Variants in PRDM2 observed in about 807,000 individuals in gnomAD.
PRDM2 encodes PR/SET domain 2.
A neutral mutation model predicts 130.0 loss-of-function variants in PRDM2; 30 were observed. That is an observed-to-expected ratio of 0.23 (90% CI 0.17 to 0.31). The LOEUF is 0.31. Ranked by LOEUF, PRDM2 falls within the 10% of genes least tolerant of loss-of-function variation. The pLI is 1.00. For synonymous variants in PRDM2, 871 were observed against 782.4 expected (o/e 1.11, Z -1.89); for missense variants, 2,011 against 2,108.4 (o/e 0.95, Z 0.90).
In PRDM2 at chr1:13,778,673, G is replaced by A. The variant is rs759698293; in HGVS notation, c.878G>A (p.Gly293Glu). 138 of 1,614,012 alleles carry A rather than the reference G, an allele frequency of 8.6e-5. No individual in the cohort carries two copies. The highest frequency in any genetic ancestry group is 1.1e-4 in the Non-Finnish European group (131 of 1,180,010). ...GATGATGATGAGTTGGAAGACGAGG[G>A]GGAAGAAGAAGCCAGCATGCCAAAT... ...DDDDDELEDE[G>E]EEEASMPNEN... The change falls in exon 8 of 10, where the codon GGG becomes GAG. Residue 293 changes from glycine to glutamate, a missense_variant. This residue lies in a region of PRDM2 where 1,288 missense variants were observed against 1,237.7 expected (regional missense o/e 1.04). Transcript: ENST00000311066.
At chr1:13,813,787 G>A (rs1169126292) in intron 8 of PRDM2, among the ~76,000 whole-genome samples, 1 of 152,214 alleles carries the variant, frequency 6.6e-6, no homozygotes, top group Non-Finnish European at 1.5e-5. Flanking sequence ...GACGCCCTGA[G>A]CCGGGGAGGA....
chr1:13,720,638 T>C (rs1463188422), intron 2 of PRDM2, among the ~76,000 whole-genome samples: 3 of 152,216 alleles, frequency 2.0e-5, no homozygotes, highest in Non-Finnish European at 1.5e-5. Flanking sequence ...TAAAAAATAG[T>C]AACTTACCGT....
chr1:13,808,535 T>C (rs1387942672), intron 8 of PRDM2, among the ~76,000 whole-genome samples: 1 of 151,508 alleles, frequency 6.6e-6, no homozygotes, highest in Non-Finnish European at 1.5e-5. Context: ...GATTGAGGAC[T>C]ACGTATCTCA....
chr1:13,795,779 A>G (rs1461582357), intron 8 of PRDM2, among the ~76,000 whole-genome samples: 2 of 152,180 alleles, frequency 1.3e-5, no homozygotes, highest in African/African-American at 4.8e-5. Context: ...GCAGATCTAG[A>G]TACTGAACAG....
chr1:13,797,438 C>CCGTG (rs1427742695), intron 8 of PRDM2, among the ~76,000 whole-genome samples: 1 of 152,176 alleles, frequency 6.6e-6, no homozygotes, highest in African/African-American at 2.4e-5. Flanking sequence ...GAAATATATG[C>CCGTG]CGTGCCAGAT....
intron 2 of PRDM2, among the ~76,000 whole-genome samples, chr1:13,728,481 T>A (rs74607918): frequency 2.3e-4 from 35 of 152,266 alleles, no homozygotes; most frequent in African/African-American, 7.9e-4. Flanking sequence ...GCCACGGCCA[T>A]GGAGAGTCCA....
chr1:13,726,503 C>T (rs1642920842), intron 2 of PRDM2, among the ~76,000 whole-genome samples: 1 of 152,178 alleles, frequency 6.6e-6, no homozygotes, highest in Non-Finnish European at 1.5e-5. Context: ...TCTGAGCAGA[C>T]ACTCAGGGAG....
chr1:13,781,911 A>G lies in PRDM2; in HGVS notation c.4116A>G (p.Pro1372=), dbSNP rs376856816. 4.6e-5 allele frequency: 74 copies of G among 1,614,236 alleles called. No homozygotes were observed. The Middle Eastern group carries it at 4.9e-4, about 11-fold the overall frequency. Residue 1372 remains proline (P), a synonymous_variant, in exon 8 of 10, where the codon CCA becomes CCG. Coordinates refer to ENST00000311066, the MANE Select transcript of PRDM2 (RefSeq NM_001393986.1). The surrounding 1 kb of genome is among the most constrained non-coding windows in gnomAD (Gnocchi z 6.1). Reference sequence around the variant, plus strand: ...ACACGCCTAAGAAAAACCCAGTACCATTAAAACAAACTGTGCAACCCAAAA... The same window carrying G: ...ACACGCCTAAGAAAAACCCAGTACCGTTAAAACAAACTGTGCAACCCAAAA... ...KRYTPKKNPV[P]LKQTVQPKNG...
At chr1:13,773,290 C>T in intron 7 of PRDM2, 102 bp downstream of exon 7, 1 of 700,498 alleles carries the variant, frequency 1.4e-6, no homozygotes. Context: ...CATTTAGGAT[C>T]TTTACGAGGT....
At chr1:13,808,463 CAA>C (rs58838331) in intron 8 of PRDM2, among the ~76,000 whole-genome samples, 7 of 58,900 alleles carry the variant, frequency 1.2e-4, no homozygotes, top group Admixed American at 1.8e-4. Context: ...GACTCTGTCT[CAA>C]AAAAAAAAAA....
At chr1:13,749,962 C>A (rs981065935) in intron 6 of PRDM2, among the ~76,000 whole-genome samples, 1 of 152,060 alleles carries the variant, frequency 6.6e-6, no homozygotes, top group Non-Finnish European at 1.5e-5. Context: ...GTCGCGGAGT[C>A]GGGGTGTGGG....
rs559499097 is a variant in PRDM2 at position 13,771,788 on chromosome 1, T to C, written c.512-1290T>C. ...TATTTTAGAATTTACGTTTTAAGAC[T>C]AACAAGCAAAATGACTGTTAAGGTT... On this transcript the variant is annotated intron_variant, in intron 6 of 9. Coordinates refer to ENST00000311066, the MANE Select transcript of PRDM2 (RefSeq NM_001393986.1). This position sits in a 1 kb window ranked among gnomAD's most constrained non-coding sequence, Gnocchi z 4.1. 3.3e-5 allele frequency: 5 copies of C among 152,352 alleles called. No individual in the cohort carries two copies. In the East Asian group the frequency reaches 9.6e-4, roughly 29 times the overall value. 9.4% of individuals were successfully genotyped at this position (152,352 alleles called of 1,614,324 possible).
At chr1:13,703,912 A>C (rs1254689467) in intron 1 of PRDM2, among the ~76,000 whole-genome samples, 2 of 152,226 alleles carry the variant, frequency 1.3e-5, no homozygotes, top group Non-Finnish European at 2.9e-5. Context: ...TGAGGCAATA[A>C]GGCTTACTTT....
chr1:13,774,134 C>T (rs976532987), intron 7 of PRDM2, among the ~76,000 whole-genome samples: 52 of 152,154 alleles, frequency 3.4e-4, no homozygotes, highest in Admixed American at 2.7e-3. Context: ...AGGCCTGCCA[C>T]GACGTAAGAA....
intron 8 of PRDM2, among the ~76,000 whole-genome samples, chr1:13,815,832 C>T (rs1050638667): frequency 7.9e-5 from 12 of 152,308 alleles, no homozygotes; most frequent in East Asian, 3.9e-4. Context: ...TGGGAAGCCA[C>T]GTCACCCCTG....
intron 6 of PRDM2, among the ~76,000 whole-genome samples, chr1:13,757,280 C>T (rs1002876384): frequency 1.4e-4 from 21 of 152,194 alleles, no homozygotes; most frequent in Non-Finnish European, 3.1e-4. Flanking sequence ...TATTGTCTTT[C>T]AAGTGTTTTT....
chr1:13,715,667 G>A, intron 2 of PRDM2, 53 bp downstream of exon 2: 1 of 1,484,948 alleles, frequency 6.7e-7, no homozygotes, highest in Non-Finnish European at 9.1e-7. Context: ...TGTTAGACCA[G>A]CTCTTGATTT....
At chr1:13,703,054 T>C (rs569551187) in intron 1 of PRDM2, among the ~76,000 whole-genome samples, 1 of 152,352 alleles carries the variant, frequency 6.6e-6, no homozygotes, top group Non-Finnish European at 1.5e-5. Flanking sequence ...TTACAACATT[T>C]GGTTAGAGGC....
Position 13,782,587 on chromosome 1 carries a change from A to G in PRDM2, c.4792A>G (p.Asn1598Asp). The change falls in exon 8 of 10, where the codon AAT becomes GAT. Residue 1598 changes from asparagine to aspartate, a missense_variant. Asn to Asp is a conservative substitution (Grantham distance 23, BLOSUM62 1). Coordinates refer to ENST00000311066, the MANE Select transcript of PRDM2 (RefSeq NM_001393986.1). ...GAAAAAACCTAAAGCTGTGGCCAAG[A>G]ATCATTCTGCTCAGCTTTCCAGCAA... ...EGKKPKAVAKNHSAQLSSKTS... is the reference protein window; with the variant it reads ...EGKKPKAVAKDHSAQLSSKTS... The G allele has an allele frequency of 6.2e-7, 1 of 1,614,204 alleles. No individual in the cohort carries two copies. Among genetic ancestry groups the G allele is most frequent in the Non-Finnish European group, 8.5e-7 (1 of 1,180,038 alleles).
Sources: allele counts gnomAD v4.1 joint callset (sites outside exome capture counted in the v4.1 genomes callset), GRCh38; gene constraint gnomAD v4.1.1; regional missense constraint gnomAD v4.1.1; non-coding constraint Gnocchi (gnomAD v3.1); transcripts MANE v1.5; gene names NCBI Gene and HGNC (gene_info 2026-07-23, HGNC 2026-07-21).